Variants in ZER1 observed in about 807,000 individuals in gnomAD.
ZER1 encodes protein zer-1 homolog.
Under a neutral mutation model 78.8 loss-of-function variants are expected in ZER1, and 11 were observed. The ratio of observed to expected loss-of-function variants is 0.14; its 90% CI spans 0.09 to 0.23. ZER1 has a LOEUF of 0.23. Among genes scored for constraint, ZER1 ranks in the 10% least tolerant of loss-of-function variants. The probability of loss-of-function intolerance (pLI) is 1.00; values close to 1 mark genes in which losing one functional copy is unlikely to be tolerated. For synonymous variants in ZER1, 400 were observed against 407.0 expected (o/e 0.98, Z 0.21); for missense variants, 588 against 996.9 (o/e 0.59, Z 5.52).
At chr9:128,743,881 C>T (rs967371314) in intron 8 of ZER1, among the ~76,000 whole-genome samples, 4 of 149,402 alleles carry the variant, frequency 2.7e-5, no homozygotes, top group African/African-American at 9.9e-5. Flanking sequence ...CAGGCGCCTC[C>T]AATGGCCCCT....
Position 128,741,259 on chromosome 9 carries a change from T to A in ZER1, c.1737+276A>T, listed in dbSNP as rs552975055. Among the ~76,000 whole-genome samples, 39 of 152,340 alleles carry A rather than the reference T, an allele frequency of 2.6e-4. 1 individual carries two copies. The South Asian group carries it at 5.8e-3, about 23-fold the overall frequency. ...GTCCAGCTCGTAGCGTAGTGGGCTC[T>A]GGCCAGCTGTGGGCAGCCTGAGAAC... On this transcript the variant is annotated intron_variant, in intron 11 of 15. Coordinates refer to ENST00000291900, the MANE Select transcript of ZER1 (RefSeq NM_006336.4).
Position 128,731,301 on chromosome 9 carries a change from G to T in ZER1, c.*36C>A, listed in dbSNP as rs764694999. ...TTGAGCATGCTTCCTCCCCGCCTGT[G>T]GTCCAGAGCGGTGGCGGCCATGGGG... On this transcript the variant is annotated 3_prime_UTR_variant, in exon 16 of 16. Coordinates refer to ENST00000291900, the MANE Select transcript of ZER1 (RefSeq NM_006336.4). The T allele has an allele frequency of 8.1e-6, 13 of 1,606,926 alleles. No individual in the cohort carries two copies. In the East Asian group the frequency reaches 2.2e-4, roughly 28 times the overall value.
Position 128,740,555 on chromosome 9 carries a change from G to C in ZER1, c.1853+217C>G, listed in dbSNP as rs1863255918. On this transcript the variant is annotated intron_variant, in intron 12 of 15. Coordinates refer to ENST00000291900, the MANE Select transcript of ZER1 (RefSeq NM_006336.4). The surrounding 1 kb of genome is among the most constrained non-coding windows in gnomAD (Gnocchi z 4.4). ...AGATTGTGCCACTGCACTTCAGCCTGGGTGACAGAGCAAGACTCCATCTCA... is the reference window on the plus strand; with the variant it reads ...AGATTGTGCCACTGCACTTCAGCCTCGGTGACAGAGCAAGACTCCATCTCA... Among the ~76,000 whole-genome samples the C allele has an allele frequency of 6.6e-6, 1 of 151,182 alleles. No homozygotes were observed.
chr9:128,761,909 C>T (rs1210914064), intron 1 of ZER1, among the ~76,000 whole-genome samples: 1 of 151,782 alleles, frequency 6.6e-6, no homozygotes, highest in African/African-American at 2.4e-5. Context: ...CGGCTGACCC[C>T]ATCTTATAGA....
At chr9:128,737,450 C>T (rs1863125115) in intron 13 of ZER1, among the ~76,000 whole-genome samples, 1 of 152,184 alleles carries the variant, frequency 6.6e-6, no homozygotes, top group Non-Finnish European at 1.5e-5. Flanking sequence ...TCAGCCTGTT[C>T]CTCCCAGTAT....
chr9:128,733,496 C>T lies in ZER1; in HGVS notation c.2173G>A (p.Gly725Arg). 1 of 1,613,806 alleles carries T rather than the reference C, an allele frequency of 6.2e-7. No homozygotes were observed. Among genetic ancestry groups the T allele is most frequent in the Non-Finnish European group, 8.5e-7 (1 of 1,179,936 alleles). Residue 725 changes from glycine to arginine, a missense_variant, in exon 15 of 16, where the codon GGG (glycine) becomes AGG (arginine). Gly to Arg is a moderately radical substitution (Grantham distance 125). Coordinates refer to ENST00000291900, the MANE Select transcript of ZER1 (RefSeq NM_006336.4). The stretch of plus-strand genomic sequence containing the variant: ...ATGTCCCTCAGAAGGGGCATCCCCC[C>T]TTCTTTGATCAGCAGAGGGCAGTAC... ...DKYCPLLIKE[G>R]GMPLLRDIIK...
chr9:128,742,101 G>A (rs1328915775), intron 9 of ZER1, among the ~76,000 whole-genome samples: 1 of 152,238 alleles, frequency 6.6e-6, no homozygotes, highest in Non-Finnish European at 1.5e-5. Context: ...TCCCGCTGGG[G>A]CTTGAGCTTC....
chr9:128,746,640 ATT>A (rs911601634), intron 8 of ZER1, among the ~76,000 whole-genome samples: 1 of 144,600 alleles, frequency 6.9e-6, no homozygotes, highest in East Asian at 2.0e-4. Flanking sequence ...TTAAAAAAAA[ATT>A]TTTTTTTTTT....
intron 1 of ZER1, among the ~76,000 whole-genome samples, chr9:128,756,620 A>G (rs73618077): frequency 0.034 from 5,146 of 152,326 alleles, 100 homozygotes; most frequent in Middle Eastern, 0.075. Context: ...CATTATGTTG[A>G]GTGAAAGAAA....
At chr9:128,760,099 C>T (rs904155604) in intron 1 of ZER1, among the ~76,000 whole-genome samples, 3 of 151,368 alleles carry the variant, frequency 2.0e-5, no homozygotes, top group Non-Finnish European at 2.9e-5. Flanking sequence ...AGGTTGGTCT[C>T]GAACTCCTGG....
At chr9:128,769,732 T>C (rs1013464073) in intron 1 of ZER1, among the ~76,000 whole-genome samples, 1 of 152,066 alleles carries the variant, frequency 6.6e-6, no homozygotes. Flanking sequence ...GATGAGAAGA[T>C]TGAGGTGGAA....
chr9:128,752,988 CCA>C, intron 4 of ZER1, 139 bp from the exon 5 acceptor site: 9 of 1,269,588 alleles, frequency 7.1e-6, no homozygotes, highest in Non-Finnish European at 7.6e-6. Flanking sequence ...GGAAGAAACC[CCA>C]AACAGCCCCA....
Position 128,740,016 on chromosome 9 carries a change from C to T in ZER1, c.1957G>A (p.Glu653Lys), listed in dbSNP as rs1046742. The change falls in exon 13 of 16, where the codon GAG becomes AAG. Residue 653 changes from glutamate to lysine, a missense_variant. By Grantham distance (56) the Glu-to-Lys change is moderately conservative. Coordinates refer to ENST00000291900, the MANE Select transcript of ZER1 (RefSeq NM_006336.4). The surrounding 1 kb of genome is among the most constrained non-coding windows in gnomAD (Gnocchi z 4.4). ...TCCTCCACCTCCTCACGCTGGGGCT[C>T]ACAGACGCCCCAGGCCTCGGGTCCA... is the stretch of plus-strand genomic sequence containing the variant. Reference protein sequence around the residue: ...FDGPEAWGVCEPQREEVEERM... With the variant: ...FDGPEAWGVCKPQREEVEERM... 1 of 1,614,096 alleles carries T rather than the reference C, an allele frequency of 6.2e-7. No homozygotes were observed. The highest frequency in any genetic ancestry group is 8.5e-7 in the Non-Finnish European group (1 of 1,179,982).
rs746585169 is a variant in ZER1 at position 128,731,152 on chromosome 9, AT to A, written c.*184del. 1.8e-4 allele frequency: 43 copies of A among 238,442 alleles called. No homozygotes were observed. The highest frequency in any genetic ancestry group is 1.4e-3 in the Middle Eastern group (1 of 702). The allele number at this position is 238,442 out of a possible 1,614,324, so 14.8% of individuals were successfully genotyped here. On this transcript the variant is annotated 3_prime_UTR_variant, in exon 16 of 16. Transcript: ENST00000291900. ...TTCACACTTCCTAACCAAAAAAAAA[AT>A]ATATATATATAATATATATATATCT...
rs1207329668 is a variant in ZER1, at chr9:128,730,435, TCTG to T, written c.*899_*901del. On this transcript the variant is annotated 3_prime_UTR_variant, in exon 16 of 16. Coordinates refer to ENST00000291900, the MANE Select transcript of ZER1 (RefSeq NM_006336.4). ...GCTGGGAGGAGGAGGCAGGCTCAGT[TCTG>T]CTGGTGGGAGCGCCTGGGCAGTTGA... 6.5e-6 allele frequency: 1 copy of T among 154,046 alleles called. No individual in the cohort carries two copies. 9.5% of individuals were successfully genotyped at this position (154,046 alleles called of 1,614,324 possible). A position where few individuals can be genotyped will look rare whatever the true frequency, so the allele number is the denominator to read the frequency against.
chr9:128,761,882 G>A (rs997642177), intron 1 of ZER1, among the ~76,000 whole-genome samples: 1 of 152,154 alleles, frequency 6.6e-6, no homozygotes, highest in Non-Finnish European at 1.5e-5. Flanking sequence ...GGGATTACAG[G>A]CGTGAGCCAC....
At chr9:128,749,417 C>A (rs1345042073) in intron 8 of ZER1, among the ~76,000 whole-genome samples, 1 of 152,134 alleles carries the variant, frequency 6.6e-6, no homozygotes, top group East Asian at 1.9e-4. Flanking sequence ...TGAAATGTGC[C>A]TCCCTCAAAC....
intron 1 of ZER1, among the ~76,000 whole-genome samples, chr9:128,767,753 C>A (rs1412198584): frequency 6.6e-6 from 1 of 152,178 alleles, no homozygotes; most frequent in Non-Finnish European, 1.5e-5. Flanking sequence ...CGCTTCCTTA[C>A]AACTCAGGCA....
At chr9:128,743,362 T>A (rs1863371345) in intron 8 of ZER1, among the ~76,000 whole-genome samples, 1 of 152,110 alleles carries the variant, frequency 6.6e-6, no homozygotes, top group Admixed American at 6.6e-5. Flanking sequence ...GTGATCTGCC[T>A]GCCTTGGCCT....
Sources: gnomAD v4.1 joint callset for allele counts (sites outside exome capture counted in the v4.1 genomes callset) on GRCh38, gnomAD v4.1.1 for gene constraint, Gnocchi (gnomAD v3.1) non-coding constraint, MANE v1.5 for transcripts, NCBI Gene and HGNC (gene_info 2026-07-23, HGNC 2026-07-21) for gene names.